CNST: variants seen among roughly 807,000 people sequenced by gnomAD.
The protein encoded by CNST is consortin, connexin sorting protein.
Under a neutral mutation model 72.4 loss-of-function variants are expected in CNST, and 39 were observed. The observed-to-expected ratio is 0.54, with a 90% CI of 0.42 to 0.70. The LOEUF is 0.70. Ranked by LOEUF, CNST falls within the 30% of genes least tolerant of loss-of-function variation. The pLI is 0.00. For synonymous variants in CNST, 332 were observed against 320.1 expected, an observed-to-expected ratio of 1.04 and a Z score of -0.40; for missense variants, 871 against 868.5, an observed-to-expected ratio of 1.00 and a Z score of -0.04.
chr1:246,625,666 C>T (rs903361830), intron 3 of CNST, among the ~76,000 whole-genome samples: 3 of 151,940 alleles, frequency 2.0e-5, no homozygotes, highest in Non-Finnish European at 2.9e-5. Context: ...ACGATCCGCC[C>T]GCCTCGGCCT....
In CNST at chr1:246,584,650, G is replaced by A. The variant is rs1269585850; in HGVS notation, c.-51-6862G>A. Among the ~76,000 whole-genome samples, 12 of 152,246 alleles carry A rather than the reference G, an allele frequency of 7.9e-5. No homozygotes were observed. The East Asian group carries it at 1.5e-3, about 20-fold the overall frequency. On this transcript the variant is annotated intron_variant, in intron 1 of 10. Transcript: ENST00000366513. ...GTATGAAACCAAGTCGAATGGAGAC[G>A]GAGTGTGTAGTGGAACTCATCTCAG... is the stretch of plus-strand genomic sequence containing the variant.
intron 2 of CNST, among the ~76,000 whole-genome samples, chr1:246,612,098 A>G (rs1206535802): frequency 6.6e-6 from 1 of 152,230 alleles, no homozygotes; most frequent in Non-Finnish European, 1.5e-5. Flanking sequence ...GCTGGAGCAA[A>G]GGGGAATGAA....
At chr1:246,598,597 T>C (rs1196509083) in intron 2 of CNST, among the ~76,000 whole-genome samples, 2 of 152,194 alleles carry the variant, frequency 1.3e-5, no homozygotes, top group African/African-American at 4.8e-5. Flanking sequence ...CCTATTTGCA[T>C]TTTTATATAT....
intron 2 of CNST, among the ~76,000 whole-genome samples, chr1:246,618,813 T>C (rs893807490): frequency 6.6e-6 from 1 of 152,250 alleles, no homozygotes; most frequent in African/African-American, 2.4e-5. Context: ...TACAAATCGA[T>C]GCTAACTAAA....
chr1:246,665,628 A>G (rs1156658368), intron 10 of CNST, 72 bp from the exon 11 acceptor site: 1 of 1,224,196 alleles, frequency 8.2e-7, no homozygotes, highest in East Asian at 2.3e-5. Context: ...TATCTTAATT[A>G]GTGAAAAGAC....
intron 4 of CNST, among the ~76,000 whole-genome samples, chr1:246,633,529 T>G (rs1442413961): frequency 2.0e-5 from 3 of 150,392 alleles, no homozygotes; most frequent in Non-Finnish European, 4.4e-5. Flanking sequence ...GATCACGAGG[T>G]GAGGAGTTCG....
At chr1:246,569,478 G>A (rs906085550) in intron 1 of CNST, among the ~76,000 whole-genome samples, 25 of 152,058 alleles carry the variant, frequency 1.6e-4, no homozygotes, top group African/African-American at 6.0e-4. Context: ...GATTCTGTGG[G>A]GTAAATTAAA....
intron 1 of CNST, among the ~76,000 whole-genome samples, 177 bp from the exon 2 acceptor site, chr1:246,591,335 G>A (rs1661532819): frequency 6.6e-6 from 1 of 152,192 alleles, no homozygotes; most frequent in East Asian, 1.9e-4. Context: ...TAGTATTCAT[G>A]TGAGAACTAG....
intron 2 of CNST, among the ~76,000 whole-genome samples, chr1:246,602,038 T>C (rs1469482436): frequency 1.3e-5 from 2 of 152,190 alleles, no homozygotes; most frequent in Non-Finnish European, 2.9e-5. Flanking sequence ...CACCTACTTA[T>C]AAGAGGACCC....
rs1665733276 is a variant in CNST, at chr1:246,642,044, T to A, written c.937+7T>A. 6.4e-7 allele frequency: 1 copy of A among 1,573,532 alleles called. No homozygotes were observed. Among genetic ancestry groups the A allele is most frequent in the East Asian group, 2.3e-5 (1 of 44,250 alleles). On this transcript the variant is annotated splice_region_variant and intron_variant, in intron 8 of 10. Coordinates refer to ENST00000366513, the MANE Select transcript of CNST (RefSeq NM_152609.3). ...GCTACCACCAAAGAGTCAGGTATGT[T>A]TTTAACTTAAGCTATGGAGCAACGT...
chr1:246,577,534 A>T (rs1459319095), intron 1 of CNST, among the ~76,000 whole-genome samples: 1 of 152,114 alleles, frequency 6.6e-6, no homozygotes, highest in Admixed American at 6.5e-5. Flanking sequence ...TTAGTAAAAC[A>T]ATGAGTTTTA....
intron 8 of CNST, among the ~76,000 whole-genome samples, chr1:246,645,423 A>ATTTTTTTTTT (rs762655117): frequency 1.9e-5 from 2 of 106,068 alleles, no homozygotes; most frequent in African/African-American, 3.5e-5. Context: ...AAAGGTTAAA[A>ATTTTTTTTTT]CTTTTTTTTT....
At chr1:246,656,875 A>G (rs1223498914) in intron 9 of CNST, among the ~76,000 whole-genome samples, 1 of 152,024 alleles carries the variant, frequency 6.6e-6, no homozygotes, top group Admixed American at 6.6e-5. Flanking sequence ...GGCTGCAGCG[A>G]GCTGTCAGCA....
chr1:246,626,400 C>G (rs1021397434), intron 3 of CNST, among the ~76,000 whole-genome samples: 30 of 148,640 alleles, frequency 2.0e-4, no homozygotes, highest in Admixed American at 1.9e-3. Context: ...TGAATCTCTT[C>G]TCATTCTGAA....
intron 1 of CNST, among the ~76,000 whole-genome samples, chr1:246,572,239 A>T (rs568741735): frequency 2.6e-5 from 4 of 152,338 alleles, no homozygotes; most frequent in Non-Finnish European, 5.9e-5. Flanking sequence ...ACCCTGTCTC[A>T]AAAATACATA....
rs749154110 is a variant in CNST, at chr1:246,647,436, C to G, written c.1235C>G (p.Ala412Gly). Residue 412 changes from alanine (A) to glycine (G), a missense_variant, in exon 9 of 11, where the codon GCC (alanine) becomes GGC (glycine). Coordinates refer to ENST00000366513, the MANE Select transcript of CNST (RefSeq NM_152609.3). ...CAAACAGAGGCCTGCCAGGATGTGG[C>G]CAGAATAGAGGGCATTGCTGAAGAC... Reference protein sequence around the residue: ...LAQTEACQDVARIEGIAEDPK... With the variant: ...LAQTEACQDVGRIEGIAEDPK... The G allele has an allele frequency of 6.2e-7, 1 of 1,614,074 alleles. No individual in the cohort carries two copies. Among genetic ancestry groups the G allele is most frequent in the South Asian group, 1.1e-5 (1 of 91,082 alleles).
At chr1:246,600,321 A>G (rs2103037580) in intron 2 of CNST, among the ~76,000 whole-genome samples, 1 of 152,340 alleles carries the variant, frequency 6.6e-6, no homozygotes, top group Middle Eastern at 3.4e-3. Flanking sequence ...ATTGTTTTTA[A>G]CATGACCAGT....
At chr1:246,654,591 A>G (rs1666670890) in intron 9 of CNST, among the ~76,000 whole-genome samples, 1 of 152,238 alleles carries the variant, frequency 6.6e-6, no homozygotes, top group African/African-American at 2.4e-5. Flanking sequence ...TCAAACTGCA[A>G]ACTCCTTAAA....
intron 1 of CNST, among the ~76,000 whole-genome samples, chr1:246,590,210 C>T (rs928695981): frequency 3.9e-5 from 6 of 152,088 alleles, no homozygotes; most frequent in Admixed American, 6.6e-5. Context: ...GTGAAAGGGT[C>T]GTGATAGATC....
Sources: gnomAD v4.1 joint callset for allele counts (sites outside exome capture counted in the v4.1 genomes callset) on GRCh38, gnomAD v4.1.1 for gene constraint, MANE v1.5 for transcripts, NCBI Gene and HGNC (gene_info 2026-07-23, HGNC 2026-07-21) for gene names.